GCSAML: variants seen among roughly 807,000 people sequenced by gnomAD.
GCSAML encodes the protein germinal center associated signaling and motility like, also known as germinal center-associated signaling and motility-like protein.
Under a neutral mutation model 13.0 loss-of-function variants are expected in GCSAML, and 9 were observed. That is an observed-to-expected ratio of 0.69 (90% CI 0.42 to 1.21). GCSAML has a LOEUF of 1.21. Ranked by LOEUF, GCSAML falls within the 50% of genes most tolerant of loss-of-function variation. The pLI, the probability that GCSAML is intolerant of heterozygous loss-of-function variation, is 0.00. For missense variants in GCSAML, 143 were observed against 153.4 expected, an observed-to-expected ratio of 0.93 and a Z score of 0.36; for synonymous variants, 37 against 52.9, an observed-to-expected ratio of 0.70 and a Z score of 1.31.
At chr1:247,547,466 C>T (rs577599664), upstream of GCSAML, among the ~76,000 whole-genome samples, 36 of 152,276 alleles carry the variant, frequency 2.4e-4, no homozygotes, top group Admixed American at 1.2e-3. Context: ...TTCTGTCATT[C>T]GGTGACTAAA....
chr1:247,508,378 A>G (rs1665901054), intron 1 of GCSAML, among the ~76,000 whole-genome samples: 1 of 151,772 alleles, frequency 6.6e-6, no homozygotes, highest in Non-Finnish European at 1.5e-5. Context: ...TTTTTCTTGT[A>G]AATTTGTTTA....
chr1:247,554,339 C>G (rs1667886261), intron 1 of GCSAML, among the ~76,000 whole-genome samples: 1 of 152,008 alleles, frequency 6.6e-6, no homozygotes, highest in African/African-American at 2.4e-5. Flanking sequence ...TTTGAACTTT[C>G]TGTTTTCATT....
chr1:247,528,178 T>C (rs1666757044), intron 2 of GCSAML: 1 of 152,184 alleles, frequency 6.6e-6, no homozygotes, highest in African/African-American at 2.4e-5. Context: ...GTCTGCTTTT[T>C]TACTTCCCCT....
upstream of GCSAML, chr1:247,549,043 AGGCCCCT>A: frequency 3.2e-6 from 5 of 1,580,548 alleles, no homozygotes; most frequent in Non-Finnish European, 4.3e-6. Context: ...TATCATGCGC[AGGCCCCT>A]GGCAGCTCGT....
At chr1:247,571,153 C>T (rs1288512339) in intron 4 of GCSAML, among the ~76,000 whole-genome samples, 1 of 152,138 alleles carries the variant, frequency 6.6e-6, no homozygotes, top group African/African-American at 2.4e-5. Context: ...AATCTTTATC[C>T]AATTTGCCAG....
rs193096543 is a variant in GCSAML, at chr1:247,576,635, A to G, written c.*2253A>G. 7 of 152,276 alleles carry G rather than the reference A, an allele frequency of 4.6e-5. No homozygotes were observed. The highest frequency in any genetic ancestry group is 1.4e-4 in the African/African-American group (6 of 41,586). 9.4% of individuals were successfully genotyped at this position (152,276 alleles called of 1,614,324 possible). ...ACTGACCTTTTAGTCATTGACAAGC[A>G]TTAATCAATAGGTGGACTCCAGATA... is the stretch of plus-strand genomic sequence containing the variant. On this transcript the variant is annotated 3_prime_UTR_variant, in exon 5 of 5. Coordinates refer to ENST00000366488, the MANE Select transcript of GCSAML (RefSeq NM_145278.5).
chr1:247,574,762 C>CCATG lies in GCSAML; in HGVS notation c.*381_*384dup, dbSNP rs200083741. On this transcript the variant is annotated 3_prime_UTR_variant, in exon 5 of 5. Transcript: ENST00000366488. The stretch of plus-strand genomic sequence containing the variant: ...ATGAACCTGAAAGACTGAATTCTGG[C>CCATG]CATGATAGGAAGGGAGGTGAGACAC... The CCATG allele has an allele frequency of 7.5e-3, 1,603 of 214,494 alleles. 72 individuals are homozygous for CCATG. The Admixed American group carries it at 0.079, about 11-fold the overall frequency. The allele number at this position is 214,494 out of a possible 1,614,324, so 13.3% of individuals were successfully genotyped here. A position where few individuals can be genotyped will look rare whatever the true frequency, so the allele number is the denominator to read the frequency against.
chr1:247,548,042 C>T (rs1333274715), upstream of GCSAML, among the ~76,000 whole-genome samples: 1 of 152,170 alleles, frequency 6.6e-6, no homozygotes, highest in Non-Finnish European at 1.5e-5. This position sits in a 1 kb window ranked among gnomAD's most constrained non-coding sequence, Gnocchi z 5.3. Flanking sequence ...AGTTCTGCTG[C>T]TGGTTAACAG....
chr1:247,519,576 T>G (rs923106503), intron 1 of GCSAML, among the ~76,000 whole-genome samples: 4 of 152,256 alleles, frequency 2.6e-5, no homozygotes, highest in Non-Finnish European at 5.9e-5. Flanking sequence ...CATTTCAGGT[T>G]ATATGTCACT....
At chr1:247,570,324 G>T (rs910189627) in intron 4 of GCSAML, among the ~76,000 whole-genome samples, 1 of 151,970 alleles carries the variant, frequency 6.6e-6, no homozygotes, top group African/African-American at 2.4e-5. Flanking sequence ...GATCTTTCCC[G>T]CTTTCTTCTG....
At chr1:247,522,539 A>G (rs907490703) in intron 1 of GCSAML, among the ~76,000 whole-genome samples, 2 of 152,148 alleles carry the variant, frequency 1.3e-5, no homozygotes, top group South Asian at 4.2e-4. Flanking sequence ...AAGGAGGTAG[A>G]CATAGGAGAC....
At chr1:247,521,921 G>C (rs1434464249) in intron 1 of GCSAML, among the ~76,000 whole-genome samples, 1 of 151,532 alleles carries the variant, frequency 6.6e-6, no homozygotes, top group Admixed American at 6.6e-5. Context: ...CCGCCATCCC[G>C]TCTAGGAAGT....
At chr1:247,544,735 G>A (rs1667511236), upstream of GCSAML, among the ~76,000 whole-genome samples, 2 of 152,118 alleles carry the variant, frequency 1.3e-5, no homozygotes, top group Admixed American at 6.5e-5. Context: ...ATGCCCTGTA[G>A]TCCCAGCTAC....
At chr1:247,541,574 A>G (rs1667411784) in intron 2 of GCSAML, among the ~76,000 whole-genome samples, 2 of 152,318 alleles carry the variant, frequency 1.3e-5, no homozygotes, top group East Asian at 1.9e-4. Context: ...AAATCAAACT[A>G]CAAGTCAAAA....
intron 1 of GCSAML, among the ~76,000 whole-genome samples, chr1:247,518,161 G>A (rs1468572636): frequency 6.6e-6 from 1 of 152,222 alleles, no homozygotes; most frequent in African/African-American, 2.4e-5. Context: ...GAGGCCTCTG[G>A]CTCCTGGTCT....
chr1:247,515,578 T>C (rs763637999), intron 1 of GCSAML, among the ~76,000 whole-genome samples: 3 of 152,160 alleles, frequency 2.0e-5, no homozygotes, highest in Admixed American at 6.5e-5. Flanking sequence ...AGAGGTTTAA[T>C]TGACTCACAG....
At chr1:247,548,363 C>A (rs1278969951), upstream of GCSAML, among the ~76,000 whole-genome samples, 2 of 152,200 alleles carry the variant, frequency 1.3e-5, no homozygotes, top group Non-Finnish European at 2.9e-5. The surrounding 1 kb of genome is among the most constrained non-coding windows in gnomAD (Gnocchi z 5.3). Flanking sequence ...AGTGGGGGAC[C>A]AGATGCTGGC....
chr1:247,511,428 C>T (rs967582014), intron 1 of GCSAML, among the ~76,000 whole-genome samples: 2 of 152,016 alleles, frequency 1.3e-5, no homozygotes, highest in Non-Finnish European at 2.9e-5. Context: ...TGAGATGGGT[C>T]TCCTGAATAT....
intron 2 of GCSAML, chr1:247,531,680 A>G (rs906591106): frequency 1.2e-6 from 2 of 1,614,054 alleles, no homozygotes; most frequent in African/African-American, 2.7e-5. Context: ...ACGGTGTAGA[A>G]CAGAGCTATG....
Sources: gnomAD v4.1 joint callset for allele counts (sites outside exome capture counted in the v4.1 genomes callset) on GRCh38, gnomAD v4.1.1 for gene constraint, Gnocchi (gnomAD v3.1) non-coding constraint, MANE v1.5 for transcripts, NCBI Gene and HGNC (gene_info 2026-07-23, HGNC 2026-07-21) for gene names.